The following PHETA1 variants were observed in gnomAD, a reference collection of about 807,000 sequenced individuals.
PHETA1 encodes sesquipedalian-1.
For missense variants in PHETA1, 348 were observed against 373.5 expected, an observed-to-expected ratio of 0.93 and a Z score of 0.56; for synonymous variants, 155 against 168.9, an observed-to-expected ratio of 0.92 and a Z score of 0.64.
At position 111,368,424 on chromosome 12, in the gene PHETA1, G is replaced by A. The variant is rs1356828006; in HGVS notation, c.-182+488C>T. Among the ~76,000 whole-genome samples, 1 of 152,092 alleles carries A rather than the reference G, an allele frequency of 6.6e-6. No homozygotes were observed. Among genetic ancestry groups the A allele is most frequent in the African/African-American group, 2.4e-5 (1 of 41,412 alleles). ...GGGCGTGGGGAAGAGGGTGTGGCAG[G>A]CACAGGCTGAAAAACATGTGTGCCA... On this transcript the variant is annotated intron_variant, in intron 1 of 2. Transcript: ENST00000683047. The surrounding 1 kb of genome is among the most constrained non-coding windows in gnomAD (Gnocchi z 5.0).
Position 111,362,925 on chromosome 12 carries a change from G to T in PHETA1, c.503C>A (p.Pro168Gln). Residue 168 changes from proline to glutamine, a missense_variant, in exon 3 of 3, where the codon CCG becomes CAG. Transcript: ENST00000683047. ...GCGGGGCAGGGGCAGGGCTGGGACC[G>T]GGGCTGGGGCAGAAGGCAGGGATGG... ...PVPSLPSAPA[P>Q]VPALPLPRRP... The T allele has an allele frequency of 6.7e-7, 1 of 1,494,444 alleles. No homozygotes were observed. 92.6% of individuals were successfully genotyped at this position (1,494,444 alleles called of 1,614,324 possible).
In PHETA1 at chr12:111,361,689, AG is replaced by A. The variant is rs1278172606; in HGVS notation, c.*988del. The A allele has an allele frequency of 2.8e-6, 1 of 352,908 alleles. No individual in the cohort carries two copies. The allele number at this position is 352,908 out of a possible 1,614,324, so 21.9% of individuals were successfully genotyped here. On this transcript the variant is annotated 3_prime_UTR_variant, in exon 3 of 3. Coordinates refer to ENST00000683047, the MANE Select transcript of PHETA1 (RefSeq NM_144671.6). ...TAGAGGGGGCTGCCTGGAGCTGAAG[AG>A]GGGCTCTGGAAGCCACACTCGGTGT...
Position 111,367,598 on chromosome 12 carries a change from G to A in PHETA1, c.-182+1314C>T, listed in dbSNP as rs191560715. Among the ~76,000 whole-genome samples the A allele has an allele frequency of 6.6e-6, 1 of 152,318 alleles. No homozygotes were observed. Among genetic ancestry groups the A allele is most frequent in the African/African-American group, 2.4e-5 (1 of 41,566 alleles). ...TCTTGGGGTCTCTCCACCCCATCAA[G>A]GCCAAAGGAATAGCAACTTCCCTCC... On this transcript the variant is annotated intron_variant, in intron 1 of 2. Transcript: ENST00000683047. This position sits in a 1 kb window ranked among gnomAD's most constrained non-coding sequence, Gnocchi z 4.0.
Position 111,363,880 on chromosome 12 carries a change from G to T in PHETA1, c.-36-417C>A. The T allele has an allele frequency of 3.6e-6, 2 of 556,804 alleles. No homozygotes were observed. The highest frequency in any genetic ancestry group is 5.5e-6 in the Non-Finnish European group (2 of 362,652). 34.5% of individuals were successfully genotyped at this position (556,804 alleles called of 1,614,324 possible). A position where few individuals can be genotyped will look rare whatever the true frequency, so the allele number is the denominator to read the frequency against. Reference sequence around the variant, plus strand: ...GTCACAAAGCAGGTTGGGCAGGGCTGAAATCCAAACCCAGGCCTCATTTCA... The same window carrying T: ...GTCACAAAGCAGGTTGGGCAGGGCTTAAATCCAAACCCAGGCCTCATTTCA... On this transcript the variant is annotated intron_variant, in intron 2 of 2. Coordinates refer to ENST00000683047, the MANE Select transcript of PHETA1 (RefSeq NM_144671.6). This position sits in a 1 kb window ranked among gnomAD's most constrained non-coding sequence, Gnocchi z 7.4.
rs1334666174 is a variant in PHETA1, at chr12:111,363,157, A to G, written c.271T>C (p.Tyr91His). ...TCCTGACTCTCAGCGGCCAGCACGT[A>G]GGTGCGCGCCCGGGTCCCCGCAAAG... ...VRFAGTRART[Y>H]VLAAESQDAM... Residue 91 changes from tyrosine (Y) to histidine (H), a missense_variant, in exon 3 of 3, where the codon TAC (tyrosine) becomes CAC (histidine). Coordinates refer to ENST00000683047, the MANE Select transcript of PHETA1 (RefSeq NM_144671.6). The surrounding 1 kb of genome is among the most constrained non-coding windows in gnomAD (Gnocchi z 7.4). 1.2e-6 allele frequency: 2 copies of G among 1,611,540 alleles called. No homozygotes were observed. The highest frequency in any genetic ancestry group is 2.2e-5 in the East Asian group (1 of 44,874).
In PHETA1 at chr12:111,361,622, C is replaced by G. The variant is rs1000490786; in HGVS notation, c.*1056G>C. ...AAGCCAAGCAAGACCTGGTCCCCAC[C>G]AGGAGTATGGGGGTGGGGGCTGAGC... is the stretch of plus-strand genomic sequence containing the variant. On this transcript the variant is annotated 3_prime_UTR_variant, in exon 3 of 3. Transcript: ENST00000683047. 24 of 302,946 alleles carry G rather than the reference C, an allele frequency of 7.9e-5. No homozygotes were observed. The Admixed American group carries it at 9.9e-4, about 13-fold the overall frequency. The allele number at this position is 302,946 out of a possible 1,614,324, so 18.8% of individuals were successfully genotyped here.
At position 111,363,335 on chromosome 12, in the gene PHETA1, G is replaced by A. The variant is rs1481575388; in HGVS notation, c.93C>T (p.His31=). 9 of 1,613,078 alleles carry A rather than the reference G, an allele frequency of 5.6e-6. No homozygotes were observed. The highest frequency in any genetic ancestry group is 1.7e-5 in the Admixed American group (1 of 60,004). The change falls in exon 3 of 3, where the codon CAC becomes CAT. Residue 31 remains histidine, a synonymous_variant. Coordinates refer to ENST00000683047, the MANE Select transcript of PHETA1 (RefSeq NM_144671.6). The surrounding 1 kb of genome is among the most constrained non-coding windows in gnomAD (Gnocchi z 7.4). The part of the protein sequence containing the change: ...AGFLYKKGGR[H]AAYHRRWFVL... ...CGAACCAGCGCCGGTGGTAGGCCGCGTGCCGCCCACCCTTCTTGTACAGGA... is the reference window on the plus strand; with the variant it reads ...CGAACCAGCGCCGGTGGTAGGCCGCATGCCGCCCACCCTTCTTGTACAGGA...
Position 111,368,555 on chromosome 12 carries a change from T to C in PHETA1, c.-182+357A>G, listed in dbSNP as rs1411787693. 6.6e-6 allele frequency among the ~76,000 whole-genome samples: 1 copy of C among 152,224 alleles called. No individual in the cohort carries two copies. Among genetic ancestry groups the C allele is most frequent in the African/African-American group, 2.4e-5 (1 of 41,466 alleles). On this transcript the variant is annotated intron_variant, in intron 1 of 2. Transcript: ENST00000683047. This position sits in a 1 kb window ranked among gnomAD's most constrained non-coding sequence, Gnocchi z 5.0. ...CAGCCCCCTTGTCCACGGCAGGGGC[T>C]GCTGCTCCAGGTGTGGCCCTGCTCC...
rs1869127558 is a variant in PHETA1 at position 111,367,912 on chromosome 12, C to T, written c.-182+1000G>A. Among the ~76,000 whole-genome samples the T allele has an allele frequency of 6.6e-6, 1 of 152,250 alleles. No homozygotes were observed. The highest frequency in any genetic ancestry group is 1.5e-5 in the Non-Finnish European group (1 of 68,050). ...GGAGGGAGCCTGGCCCAGCTCTGCT[C>T]CCAAGGCAAAGTTCCTGCCTCCGCA... On this transcript the variant is annotated intron_variant, in intron 1 of 2. Transcript: ENST00000683047. This position sits in a 1 kb window ranked among gnomAD's most constrained non-coding sequence, Gnocchi z 4.0.
Position 111,362,522 on chromosome 12 carries a change from C to T in PHETA1, c.*156G>A. On this transcript the variant is annotated 3_prime_UTR_variant, in exon 3 of 3. Coordinates refer to ENST00000683047, the MANE Select transcript of PHETA1 (RefSeq NM_144671.6). ...GCCCACTCAGAATCCAGCACCTTCT[C>T]AGAGCCTGCATCCCCCAAAACCAGG... 6.6e-7 allele frequency: 1 copy of T among 1,506,964 alleles called. No homozygotes were observed. Among genetic ancestry groups the T allele is most frequent in the African/African-American group, 1.4e-5 (1 of 71,872 alleles). 93.3% of individuals were successfully genotyped at this position (1,506,964 alleles called of 1,614,324 possible). A position where few individuals can be genotyped will look rare whatever the true frequency, so the allele number is the denominator to read the frequency against.
At position 111,367,137 on chromosome 12, in the gene PHETA1, A is replaced by G. The variant is rs1349509085; in HGVS notation, c.-181-880T>C. Among the ~76,000 whole-genome samples the G allele has an allele frequency of 6.6e-6, 1 of 151,474 alleles. No individual in the cohort carries two copies. Among genetic ancestry groups the G allele is most frequent in the East Asian group, 1.9e-4 (1 of 5,164 alleles). On this transcript the variant is annotated intron_variant, in intron 1 of 2. Transcript: ENST00000683047. The surrounding 1 kb of genome is among the most constrained non-coding windows in gnomAD (Gnocchi z 4.0). ...CTGGCCTCCTTTCTGTTCCTCAAATACACCAGACACATCCCCACCTCCAAG... is the reference window on the plus strand; with the variant it reads ...CTGGCCTCCTTTCTGTTCCTCAAATGCACCAGACACATCCCCACCTCCAAG...
Position 111,362,996 on chromosome 12 carries a change from CTG to C in PHETA1, c.430_431del (p.Gln144ValfsTer50). On this transcript the variant is annotated frameshift_variant, in exon 3 of 3. Transcript: ENST00000683047. LOFTEE classifies it low-confidence loss of function (END_TRUNC). The part of the protein sequence containing the change: ...GGMALPQPQP[Q>X]SLPLPPSLPS... ...GCAGGGACGGGGGCAAGGGCAGGGA[CTG>C]GGGCTGGGGCTGGGGCAGGGCCATG... 1 of 1,485,494 alleles carries C rather than the reference CTG, an allele frequency of 6.7e-7. No homozygotes were observed. Among genetic ancestry groups the C allele is most frequent in the Non-Finnish European group, 8.9e-7 (1 of 1,122,644 alleles). 92.0% of individuals were successfully genotyped at this position (1,485,494 alleles called of 1,614,324 possible).
rs1176912898 is a variant in PHETA1, at chr12:111,363,800, A to C, written c.-36-337T>G. 2 of 1,273,988 alleles carry C rather than the reference A, an allele frequency of 1.6e-6. No individual in the cohort carries two copies. Among genetic ancestry groups the C allele is most frequent in the Non-Finnish European group, 2.1e-6 (2 of 965,854 alleles). The allele number at this position is 1,273,988 out of a possible 1,614,324, so 78.9% of individuals were successfully genotyped here. The stretch of plus-strand genomic sequence containing the variant: ...CTTAGGTCACAGGGACTGGCCTGGC[A>C]CCAGTGCAACAGATGAGGAAACAGA... On this transcript the variant is annotated intron_variant, in intron 2 of 2. Coordinates refer to ENST00000683047, the MANE Select transcript of PHETA1 (RefSeq NM_144671.6). The surrounding 1 kb of genome is among the most constrained non-coding windows in gnomAD (Gnocchi z 7.4).
At position 111,362,801 on chromosome 12, in the gene PHETA1, G is replaced by A. The variant is rs912945075; in HGVS notation, c.627C>T (p.Arg209=). Residue 209 remains arginine (R), a synonymous_variant, in exon 3 of 3, where the codon CGC becomes CGT. Transcript: ENST00000683047. ...PGPEPPPPPP[R]RRASAPHGPL... is the part of the protein sequence containing the mutation. ...GCCCGTGGGGTGCCGAGGCCCGGCG[G>A]CGAGGCGGTGGTGGAGGGGGCTCGG... 4 of 1,538,952 alleles carry A rather than the reference G, an allele frequency of 2.6e-6. No homozygotes were observed. In the African/African-American group the frequency reaches 5.5e-5, roughly 21 times the overall value.
Position 111,363,697 on chromosome 12 carries a change from T to C in PHETA1, c.-36-234A>G. ...CCTCATAACCTCCTACCCTCCTGTA[T>C]CCCTGAAATAATGTTGTGAGTTCCT... On this transcript the variant is annotated intron_variant, in intron 2 of 2. Transcript: ENST00000683047. The surrounding 1 kb of genome is among the most constrained non-coding windows in gnomAD (Gnocchi z 7.4). 6.5e-7 allele frequency: 1 copy of C among 1,527,264 alleles called. No homozygotes were observed. Among genetic ancestry groups the C allele is most frequent in the Non-Finnish European group, 8.8e-7 (1 of 1,141,866 alleles). The allele number at this position is 1,527,264 out of a possible 1,614,324, so 94.6% of individuals were successfully genotyped here. A position where few individuals can be genotyped will look rare whatever the true frequency, so the allele number is the denominator to read the frequency against.
chr12:111,365,788 T>G, intron 2 of PHETA1: 1 of 332,472 alleles, frequency 3.0e-6, no homozygotes, highest in Non-Finnish European at 5.9e-6. Context: ...GGGAGGGAAC[T>G]TAGAGAACGG....
Position 111,363,429 on chromosome 12 carries a change from G to GT in PHETA1, c.-3dup. On this transcript the variant is annotated 5_prime_UTR_variant, in exon 3 of 3. Coordinates refer to ENST00000683047, the MANE Select transcript of PHETA1 (RefSeq NM_144671.6). The surrounding 1 kb of genome is among the most constrained non-coding windows in gnomAD (Gnocchi z 7.4). ...CAGGCTGCGCTCGTTCAGCTTCATG[G>GT]TGGCAATCGCGGGGCCTGGAGGGGA... is the stretch of plus-strand genomic sequence containing the variant. The GT allele has an allele frequency of 6.2e-7, 1 of 1,607,930 alleles. No homozygotes were observed. Among genetic ancestry groups the GT allele is most frequent in the Non-Finnish European group, 8.5e-7 (1 of 1,176,474 alleles).
In PHETA1 at chr12:111,363,199, A is replaced by G; in HGVS notation, c.229T>C (p.Phe77Leu). The G allele has an allele frequency of 6.2e-7, 1 of 1,612,908 alleles. No homozygotes were observed. The highest frequency in any genetic ancestry group is 8.5e-7 in the Non-Finnish European group (1 of 1,179,882). ...TVELVEAAEE[F>L]AFAVRFAGTR... ...CCCGCAAAGCGCACAGCGAAGGCGA[A>G]CTCCTCGGCGGCCTCCACCAGCTCC... The change falls in exon 3 of 3, where the codon TTC becomes CTC. Residue 77 changes from phenylalanine (F) to leucine (L), a missense_variant. Physicochemically the swap from Phe to Leu is conservative, Grantham distance 22. Coordinates refer to ENST00000683047, the MANE Select transcript of PHETA1 (RefSeq NM_144671.6). The surrounding 1 kb of genome is among the most constrained non-coding windows in gnomAD (Gnocchi z 7.4).
chr12:111,362,120 C>A lies in PHETA1; in HGVS notation c.*558G>T. On this transcript the variant is annotated 3_prime_UTR_variant, in exon 3 of 3. Coordinates refer to ENST00000683047, the MANE Select transcript of PHETA1 (RefSeq NM_144671.6). Reference sequence around the variant, plus strand: ...CCTGCACCTGTGTCCCCAGTCACTACCCTCCCAGCCACCGTCCTGCTCCTG... The same window carrying A: ...CCTGCACCTGTGTCCCCAGTCACTAACCTCCCAGCCACCGTCCTGCTCCTG... 1 of 409,662 alleles carries A rather than the reference C, an allele frequency of 2.4e-6. No homozygotes were observed. 25.4% of individuals were successfully genotyped at this position (409,662 alleles called of 1,614,324 possible). A position where few individuals can be genotyped will look rare whatever the true frequency, so the allele number is the denominator to read the frequency against.
Sources: gnomAD v4.1 joint callset for allele counts (sites outside exome capture counted in the v4.1 genomes callset) on GRCh38, gnomAD v4.1.1 for gene constraint, Gnocchi (gnomAD v3.1) non-coding constraint, MANE v1.5 for transcripts, NCBI Gene and HGNC (gene_info 2026-07-23, HGNC 2026-07-21) for gene names.